NLGN4Y: variants seen among roughly 807,000 people sequenced by gnomAD.
NLGN4Y encodes the protein neuroligin 4 Y-linked.
Under a neutral mutation model 8.4 loss-of-function variants are expected in NLGN4Y, and 4 were observed. The observed-to-expected ratio is 0.48, with a 90% CI of 0.23 to 1.09. The LOEUF is 1.09. Ranked by LOEUF, NLGN4Y falls within the 50% of genes least tolerant of loss-of-function variation. The pLI is 0.19. For synonymous variants in NLGN4Y, 35 were observed against 75.6 expected, an observed-to-expected ratio of 0.46 and a Z score of 2.78; for missense variants, 90 against 192.3, an observed-to-expected ratio of 0.47 and a Z score of 3.15.
At chrY:14,537,589 C>T in intron 1 of NLGN4Y, among the ~76,000 whole-genome samples, 10 of 33,391 alleles carry the variant, frequency 3.0e-4, no homozygotes, top group Admixed American at 2.5e-3. Flanking sequence ...CTCCTCCCTT[C>T]CTCTCCCCAT....
intron 1 of NLGN4Y, among the ~76,000 whole-genome samples, chrY:14,555,118 C>T: frequency 9.0e-5 from 3 of 33,280 alleles, no homozygotes; most frequent in Non-Finnish European, 2.2e-4. Flanking sequence ...AGCTTTCAAC[C>T]TTCATCTAAC....
chrY:14,654,362 T>C (rs769454757), intron 2 of NLGN4Y, among the ~76,000 whole-genome samples: 13 of 33,649 alleles, frequency 3.9e-4, no homozygotes, highest in Non-Finnish European at 8.9e-4. Flanking sequence ...TAAATATATC[T>C]GTTTTCAACA....
chrY:14,638,156 T>C, intron 2 of NLGN4Y, among the ~76,000 whole-genome samples: 1 of 32,740 alleles, frequency 3.1e-5, no homozygotes, highest in Non-Finnish European at 7.4e-5. Flanking sequence ...GTATTTCTTC[T>C]GATGCTATCC....
At chrY:14,589,569 C>T (rs1603500599) in intron 1 of NLGN4Y, among the ~76,000 whole-genome samples, 1 of 32,146 alleles carries the variant, frequency 3.1e-5, no homozygotes, top group Non-Finnish European at 7.6e-5. Flanking sequence ...AGACTCTCCA[C>T]GTCCTCACAA....
At chrY:14,831,838 C>A in intron 6 of NLGN4Y, among the ~76,000 whole-genome samples, 1 of 32,407 alleles carries the variant, frequency 3.1e-5, no homozygotes, top group African/African-American at 1.2e-4. Flanking sequence ...CAGGAAAGCT[C>A]ATTTATTGAC....
At chrY:14,564,905 G>A (rs751803933) in intron 1 of NLGN4Y, among the ~76,000 whole-genome samples, 1 of 33,203 alleles carries the variant, frequency 3.0e-5, no homozygotes, top group South Asian at 6.8e-4. Flanking sequence ...AGGGTCAGGA[G>A]TGGACCTCCA....
At chrY:14,613,207 A>G in intron 1 of NLGN4Y, among the ~76,000 whole-genome samples, 1 of 32,965 alleles carries the variant, frequency 3.0e-5, no homozygotes, top group Admixed American at 2.7e-4. Context: ...ATTTCAAGCC[A>G]TTGGATCTTA....
rs796548340 is a variant in NLGN4Y, at chrY:14,702,848, A to G, written c.473-16611A>G. Among the ~76,000 whole-genome samples, 307 of 32,806 alleles carry G rather than the reference A, an allele frequency of 9.4e-3. No homozygotes were observed. The East Asian group carries it at 0.23, about 25-fold the overall frequency. 88.0% of individuals were successfully genotyped at this position (32,806 alleles called of 37,273 possible). A position where few individuals can be genotyped will look rare whatever the true frequency, so the allele number is the denominator to read the frequency against. ...GTTGTTTCCTGACTTTTTAATGATCACCATTCTAACTGGTGTGAGATGGTA... is the reference window on the plus strand; with the variant it reads ...GTTGTTTCCTGACTTTTTAATGATCGCCATTCTAACTGGTGTGAGATGGTA... On this transcript the variant is annotated intron_variant, in intron 2 of 6. Transcript: ENST00000684976.
At chrY:14,652,998 C>T in intron 2 of NLGN4Y, among the ~76,000 whole-genome samples, 1 of 32,323 alleles carries the variant, frequency 3.1e-5, no homozygotes, top group African/African-American at 1.2e-4. Context: ...TGACAGAATA[C>T]TAAACATATA....
intron 2 of NLGN4Y, among the ~76,000 whole-genome samples, chrY:14,681,042 A>G (rs2080767053): frequency 3.0e-5 from 1 of 33,553 alleles, no homozygotes; most frequent in Non-Finnish European, 7.4e-5. Context: ...CTTTAATGCA[A>G]GTCTCATGGG....
chrY:14,644,529 G>A, intron 2 of NLGN4Y, among the ~76,000 whole-genome samples: 1 of 33,311 alleles, frequency 3.0e-5, no homozygotes, highest in Non-Finnish European at 7.4e-5. Context: ...CTGAAGTGTA[G>A]TCAATGTATG....
intron 1 of NLGN4Y, among the ~76,000 whole-genome samples, chrY:14,599,444 T>A (rs2080419290): frequency 6.3e-5 from 2 of 31,840 alleles, no homozygotes; most frequent in African/African-American, 1.2e-4. Context: ...TCTGCCTGCT[T>A]TATAATTTCT....
At chrY:14,723,043 T>C in intron 3 of NLGN4Y, 74 bp from the exon 4 acceptor site, 1 of 309,898 alleles carries the variant, frequency 3.2e-6, no homozygotes, top group East Asian at 9.8e-5. Context: ...GAATCTCCTT[T>C]GTTCTTAATT....
chrY:14,540,484 G>T (rs2080146389), intron 1 of NLGN4Y, among the ~76,000 whole-genome samples: 1 of 33,309 alleles, frequency 3.0e-5, no homozygotes, highest in Non-Finnish European at 7.4e-5. Context: ...CTAAGGGTCA[G>T]ACTGCCTCCT....
chrY:14,800,548 A>G (rs2043026779), intron 4 of NLGN4Y, among the ~76,000 whole-genome samples: 1 of 30,820 alleles, frequency 3.2e-5, no homozygotes, highest in African/African-American at 1.3e-4. Flanking sequence ...AGGTAGATAG[A>G]TAGTTAGGTT....
chrY:14,597,382 T>C (rs2080406103), intron 1 of NLGN4Y, among the ~76,000 whole-genome samples: 1 of 33,067 alleles, frequency 3.0e-5, no homozygotes, highest in Non-Finnish European at 7.4e-5. Context: ...CCTGCTTTTA[T>C]TCTCTTATCT....
intron 1 of NLGN4Y, among the ~76,000 whole-genome samples, chrY:14,555,884 G>T: frequency 9.0e-5 from 3 of 33,294 alleles, no homozygotes; most frequent in Non-Finnish European, 1.5e-4. Context: ...CTAGCATTGT[G>T]ACTCATGCTT....
At chrY:14,579,280 C>A (rs889783122) in intron 1 of NLGN4Y, among the ~76,000 whole-genome samples, 1 of 33,999 alleles carries the variant, frequency 2.9e-5, no homozygotes, top group African/African-American at 1.1e-4. Flanking sequence ...CACAGACAAG[C>A]ATGAAATGAA....
At chrY:14,751,652 A>C in intron 4 of NLGN4Y, 5 of 28,477 alleles carry the variant, frequency 1.8e-4, no homozygotes, top group Admixed American at 3.3e-4. Context: ...GTTTTTAATT[A>C]TTTCTTATCT....
Sources: gnomAD v4.1 joint callset for allele counts (sites outside exome capture counted in the v4.1 genomes callset) on GRCh38, gnomAD v4.1.1 for gene constraint, MANE v1.5 for transcripts, NCBI Gene and HGNC (gene_info 2026-07-23, HGNC 2026-07-21) for gene names.